The following FAM178B variants were observed in gnomAD, a reference collection of about 807,000 sequenced individuals.
FAM178B encodes the protein protein FAM178B.
A neutral mutation model predicts 91.7 loss-of-function variants in FAM178B; 82 were observed. The observed-to-expected ratio is 0.89, with a 90% CI of 0.75 to 1.07. FAM178B has a LOEUF of 1.07. Ranked by LOEUF, FAM178B falls within the 50% of genes least tolerant of loss-of-function variation. The pLI, the probability that FAM178B is intolerant of heterozygous loss-of-function variation, is 0.00. For synonymous variants in FAM178B, 368 were observed against 359.4 expected (o/e 1.02, Z -0.27); for missense variants, 769 against 846.7 (o/e 0.91, Z 1.14).
At chr2:96,890,325 G>A (rs1038730350) in intron 14 of FAM178B, among the ~76,000 whole-genome samples, 1 of 152,094 alleles carries the variant, frequency 6.6e-6, no homozygotes, top group Non-Finnish European at 1.5e-5. Flanking sequence ...TAATTAGCCC[G>A]GTGTGGTAGC....
intron 14 of FAM178B, among the ~76,000 whole-genome samples, chr2:96,888,649 A>C (rs1210599239): frequency 2.0e-5 from 3 of 152,256 alleles, no homozygotes; most frequent in African/African-American, 7.2e-5. Context: ...AGACAACTGC[A>C]GTTACAGCAG....
chr2:96,924,996 C>A (rs1415024035), intron 9 of FAM178B, among the ~76,000 whole-genome samples: 1 of 152,120 alleles, frequency 6.6e-6, no homozygotes, highest in African/African-American at 2.4e-5. Flanking sequence ...GGAGTGGAAA[C>A]TGTGGCTGGG....
At chr2:96,894,210 G>A (rs758209046) in intron 13 of FAM178B, among the ~76,000 whole-genome samples, 159 bp from the exon 14 acceptor site, 22 of 151,806 alleles carry the variant, frequency 1.4e-4, no homozygotes, top group Non-Finnish European at 1.5e-4. Flanking sequence ...GTGGCCTCTC[G>A]GATCCTGAGT....
chr2:96,940,920 C>T (rs918511024), intron 8 of FAM178B, among the ~76,000 whole-genome samples: 7 of 152,186 alleles, frequency 4.6e-5, no homozygotes, highest in Non-Finnish European at 8.8e-5. Context: ...CCTCACTCGG[C>T]GGACCTGTGG....
At chr2:96,907,538 C>CAGGCCAGGCT (rs2081079313) in intron 12 of FAM178B, among the ~76,000 whole-genome samples, 1 of 152,248 alleles carries the variant, frequency 6.6e-6, no homozygotes, top group African/African-American at 2.4e-5. Flanking sequence ...GTGCACCAGC[C>CAGGCCAGGCT]AGGCCAGGCT....
chr2:96,928,482 T>C (rs542228257), intron 9 of FAM178B, among the ~76,000 whole-genome samples: 1 of 152,056 alleles, frequency 6.6e-6, no homozygotes, highest in Non-Finnish European at 1.5e-5. Context: ...AGCCCGGGGC[T>C]CAACGGGGGC....
chr2:96,905,838 A>ATG lies in FAM178B; in HGVS notation c.1563-3132_1563-3131insCA, dbSNP rs1553498375. Among the ~76,000 whole-genome samples, 79 of 29,252 alleles carry ATG rather than the reference A, an allele frequency of 2.7e-3. 1 individual carries two copies. The highest frequency in any genetic ancestry group is 0.015 in the East Asian group (22 of 1,512). 19.2% of individuals were successfully genotyped at this position (29,252 alleles called of 152,430 possible). A position where few individuals can be genotyped will look rare whatever the true frequency, so the allele number is the denominator to read the frequency against. On this transcript the variant is annotated intron_variant, in intron 12 of 16. Transcript: ENST00000490605. ...TGTGTGTATATATATATATATATAT[A>ATG]TATATATATATATATATATATATTT...
intron 1 of FAM178B, among the ~76,000 whole-genome samples, chr2:96,981,118 A>C (rs1008119376): frequency 2.2e-4 from 34 of 152,250 alleles, no homozygotes; most frequent in African/African-American, 8.2e-4. Context: ...GGCACCCGCC[A>C]CCATGCCCAG....
intron 10 of FAM178B, among the ~76,000 whole-genome samples, chr2:96,923,271 C>A (rs1274303548): frequency 6.6e-6 from 1 of 152,208 alleles, no homozygotes; most frequent in Non-Finnish European, 1.5e-5. Flanking sequence ...CCATGCCTGG[C>A]CCCAATTCTT....
intron 8 of FAM178B, among the ~76,000 whole-genome samples, chr2:96,944,153 A>G (rs1014736478): frequency 1.3e-5 from 2 of 151,162 alleles, no homozygotes; most frequent in African/African-American, 4.9e-5. Context: ...GAGGCAGGAG[A>G]ATGGCGTGAA....
At chr2:96,954,162 G>A (rs998935889) in intron 6 of FAM178B, among the ~76,000 whole-genome samples, 1 of 152,190 alleles carries the variant, frequency 6.6e-6, no homozygotes, top group Non-Finnish European at 1.5e-5. Flanking sequence ...AGCCTCCATC[G>A]GCAGCAGATA....
intron 7 of FAM178B, among the ~76,000 whole-genome samples, chr2:96,948,852 G>A (rs931627462): frequency 1.3e-5 from 2 of 152,126 alleles, no homozygotes; most frequent in African/African-American, 4.8e-5. Context: ...CGCCTCAACT[G>A]GGTCAACTCT....
At chr2:96,969,519 G>A (rs1316493753) in intron 4 of FAM178B, among the ~76,000 whole-genome samples, 1 of 152,212 alleles carries the variant, frequency 6.6e-6, no homozygotes, top group African/African-American at 2.4e-5. Context: ...GTGCCATCCT[G>A]TTACAGCAGC....
intron 9 of FAM178B, among the ~76,000 whole-genome samples, chr2:96,926,346 C>T (rs1559077525): frequency 2.6e-5 from 4 of 152,254 alleles, no homozygotes; most frequent in African/African-American, 7.2e-5. Context: ...GCTTCTGGCA[C>T]CAGGAAACAG....
chr2:96,945,215 C>T (rs1025820047), intron 8 of FAM178B, among the ~76,000 whole-genome samples: 2 of 152,192 alleles, frequency 1.3e-5, no homozygotes, highest in African/African-American at 2.4e-5. Context: ...CTCTGCACAG[C>T]TGACATGTAC....
chr2:96,940,440 G>A (rs1436307653), intron 8 of FAM178B, among the ~76,000 whole-genome samples: 1 of 152,172 alleles, frequency 6.6e-6, no homozygotes. Context: ...GTGGGGCGAG[G>A]ACATCTCCTA....
At chr2:96,964,402 A>G (rs1574310175) in intron 5 of FAM178B, among the ~76,000 whole-genome samples, 1 of 152,122 alleles carries the variant, frequency 6.6e-6, no homozygotes, top group East Asian at 1.9e-4. Flanking sequence ...AACTTCGCCC[A>G]TGTGGTGCTT....
At chr2:96,925,127 G>A (rs751464679) in intron 9 of FAM178B, among the ~76,000 whole-genome samples, 5 of 152,164 alleles carry the variant, frequency 3.3e-5, no homozygotes, top group African/African-American at 4.8e-5. Flanking sequence ...GCTCTGGTTC[G>A]TACCAGCCTT....
rs57169069 is a variant in FAM178B, at chr2:96,925,042, G to T, written c.1194-1459C>A. On this transcript the variant is annotated intron_variant, in intron 9 of 16. Transcript: ENST00000490605. ...CTTCCAGATTTCAGCATTTATTAGGGCCCTAACTGAATGGGTAAGGCTGGC... is the reference window on the plus strand; with the variant it reads ...CTTCCAGATTTCAGCATTTATTAGGTCCCTAACTGAATGGGTAAGGCTGGC... Among the ~76,000 whole-genome samples, 1,336 of 152,218 alleles carry T rather than the reference G, an allele frequency of 8.8e-3. 18 individuals are homozygous for T. The highest frequency in any genetic ancestry group is 0.03 in the African/African-American group (1,254 of 41,516).
Sources: gnomAD v4.1 joint callset for allele counts (sites outside exome capture counted in the v4.1 genomes callset) on GRCh38, gnomAD v4.1.1 for gene constraint, MANE v1.5 for transcripts, NCBI Gene and HGNC (gene_info 2026-07-23, HGNC 2026-07-21) for gene names.